DNAJC5: variants seen among roughly 807,000 people sequenced by gnomAD.
DNAJC5 encodes the protein dnaJ homolog subfamily C member 5.
In DNAJC5, 1 loss-of-function variant was observed where a neutral mutation model predicts 23.2. The ratio of observed to expected loss-of-function variants is 0.04; its 90% CI spans 0.02 to 0.20. DNAJC5 has a LOEUF of 0.20. Ranked by LOEUF, DNAJC5 falls within the 10% of genes least tolerant of loss-of-function variation. The pLI is 1.00. For missense variants in DNAJC5, 180 were observed against 267.0 expected (o/e 0.67, Z 2.27); for synonymous variants, 136 against 120.0 (o/e 1.13, Z -0.87).
intron 1 of DNAJC5, among the ~76,000 whole-genome samples, chr20:63,924,266 T>C (rs1488810785): frequency 6.6e-6 from 1 of 152,202 alleles, no homozygotes; most frequent in Non-Finnish European, 1.5e-5. Context: ...ACAGATCAGT[T>C]TGGGGAGAAC....
chr20:63,910,735 T>C (rs1381416557), intron 1 of DNAJC5, among the ~76,000 whole-genome samples: 3 of 151,424 alleles, frequency 2.0e-5, no homozygotes, highest in African/African-American at 7.3e-5. Context: ...TGCCATGGTA[T>C]GATCTCGGCT....
chr20:63,910,362 G>C (rs1018071919), intron 1 of DNAJC5, among the ~76,000 whole-genome samples: 11 of 152,064 alleles, frequency 7.2e-5, no homozygotes, highest in African/African-American at 2.7e-4. Flanking sequence ...GGCTAACACG[G>C]TGAAACCCCA....
At chr20:63,924,582 G>A (rs1158734155) in intron 1 of DNAJC5, among the ~76,000 whole-genome samples, 2 of 152,130 alleles carry the variant, frequency 1.3e-5, no homozygotes, top group African/African-American at 2.4e-5. Flanking sequence ...AACCGGGCAC[G>A]GTGGCTCATG....
chr20:63,931,924 G>A lies in DNAJC5; in HGVS notation c.*356G>A, dbSNP rs111986990. ...GGTCCAGTGAGGGGTGACTGCAGCCGGTCAGGTGGGCGAGGAGAAGGGGGG... is the reference window on the plus strand; with the variant it reads ...GGTCCAGTGAGGGGTGACTGCAGCCAGTCAGGTGGGCGAGGAGAAGGGGGG... On this transcript the variant is annotated 3_prime_UTR_variant, in exon 5 of 5. Transcript: ENST00000360864. The surrounding 1 kb of genome is among the most constrained non-coding windows in gnomAD (Gnocchi z 9.6). 9.5e-4 allele frequency: 351 copies of A among 370,524 alleles called. 1 individual carries two copies. Among genetic ancestry groups the A allele is most frequent in the African/African-American group, 5.5e-3 (260 of 47,694 alleles). The allele number at this position is 370,524 out of a possible 1,614,324, so 23.0% of individuals were successfully genotyped here.
At chr20:63,922,643 G>T (rs962003045) in intron 1 of DNAJC5, among the ~76,000 whole-genome samples, 1 of 151,834 alleles carries the variant, frequency 6.6e-6, no homozygotes, top group African/African-American at 2.4e-5. Context: ...GGTGGCTCAC[G>T]CCTGTAGTCC....
intron 1 of DNAJC5, among the ~76,000 whole-genome samples, chr20:63,900,576 C>CAAAAAAAAAAA (rs752326573): frequency 1.5e-5 from 1 of 65,270 alleles, no homozygotes; most frequent in Non-Finnish European, 2.8e-5. Flanking sequence ...GACACTGTCT[C>CAAAAAAAAAAA]AAAAAAAAAA....
chr20:63,912,994 G>C (rs996383366), intron 1 of DNAJC5, among the ~76,000 whole-genome samples: 2 of 93,348 alleles, frequency 2.1e-5, no homozygotes, highest in Non-Finnish European at 3.8e-5. Flanking sequence ...TTTATTTTTC[G>C]TATTTGTATT....
intron 1 of DNAJC5, among the ~76,000 whole-genome samples, chr20:63,897,479 T>G (rs2053382692): frequency 6.6e-6 from 1 of 151,998 alleles, no homozygotes; most frequent in African/African-American, 2.4e-5. Context: ...GGCAGGAGAA[T>G]CCCTTGAACC....
At chr20:63,921,442 T>C (rs2053571474) in intron 1 of DNAJC5, among the ~76,000 whole-genome samples, 2 of 151,802 alleles carry the variant, frequency 1.3e-5, no homozygotes, top group Admixed American at 6.6e-5. Flanking sequence ...CTGCAAAAAA[T>C]TAGCCGGGCG....
rs2053669005 is a variant in DNAJC5 at position 63,931,362 on chromosome 20, G to A, written c.494-103G>A. 3.6e-6 allele frequency: 4 copies of A among 1,118,638 alleles called. No individual in the cohort carries two copies. In the South Asian group the frequency reaches 4.0e-5, roughly 11 times the overall value. The allele number at this position is 1,118,638 out of a possible 1,614,324, so 69.3% of individuals were successfully genotyped here. A position where few individuals can be genotyped will look rare whatever the true frequency, so the allele number is the denominator to read the frequency against. ...GGAGGTCAGCGAGTAGCCTCTCCCG[G>A]TGGAGAGTTTGTCCAGGTGCCCGAA... On this transcript the variant is annotated intron_variant, in intron 4 of 4. Coordinates refer to ENST00000360864, the MANE Select transcript of DNAJC5 (RefSeq NM_025219.3). This position sits in a 1 kb window ranked among gnomAD's most constrained non-coding sequence, Gnocchi z 9.6.
intron 1 of DNAJC5, among the ~76,000 whole-genome samples, chr20:63,904,350 G>C (rs1365136324): frequency 1.3e-5 from 2 of 152,114 alleles, no homozygotes; most frequent in African/African-American, 4.8e-5. Context: ...GTTTTCTCTT[G>C]CATCATCCCG....
rs552520577 is a variant in DNAJC5, at chr20:63,923,799, A to G, written c.-11-4536A>G. Among the ~76,000 whole-genome samples the G allele has an allele frequency of 7.9e-5, 12 of 152,354 alleles. 1 individual carries two copies. The highest frequency in any genetic ancestry group is 9.6e-5 in the African/African-American group (4 of 41,578). ...ATTCTATCCTGAAATGGTAAGAATG[A>G]AAAGAAAATCTGCCAAGTCCATCCG... On this transcript the variant is annotated intron_variant, in intron 1 of 4. Coordinates refer to ENST00000360864, the MANE Select transcript of DNAJC5 (RefSeq NM_025219.3).
intron 1 of DNAJC5, among the ~76,000 whole-genome samples, chr20:63,895,914 G>A (rs1441191497): frequency 6.6e-6 from 1 of 152,234 alleles, no homozygotes; most frequent in Non-Finnish European, 1.5e-5. Context: ...CTCTTAAGGA[G>A]AGTATTAGGA....
chr20:63,903,575 G>A (rs1362882209), intron 1 of DNAJC5, among the ~76,000 whole-genome samples: 2 of 152,132 alleles, frequency 1.3e-5, no homozygotes, highest in African/African-American at 4.8e-5. Flanking sequence ...CCAAAGTGCT[G>A]GGATTACAGG....
intron 1 of DNAJC5, among the ~76,000 whole-genome samples, chr20:63,925,880 T>C (rs1054273754): frequency 1.4e-5 from 2 of 145,080 alleles, no homozygotes; most frequent in South Asian, 2.2e-4. Context: ...CAGGCTGGAG[T>C]GCAGTGGTGC....
chr20:63,929,231 CGTGCGGGTGGGATGGACGCGGCGGCGG>C lies in DNAJC5; in HGVS notation c.108-70_108-44del, dbSNP rs778740145. The C allele has an allele frequency of 4.2e-5, 63 of 1,505,506 alleles. No individual in the cohort carries two copies. Among genetic ancestry groups the C allele is most frequent in the Non-Finnish European group, 5.3e-5 (59 of 1,104,586 alleles). The allele number at this position is 1,505,506 out of a possible 1,614,324, so 93.3% of individuals were successfully genotyped here. ...CTGCCTTCCACTGCACCCGGCAGTG[CGTGCGGGTGGGATGGACGCGGCGGCGG>C]GTGCGGGTGGAACAAAGTCCAGGGT... On this transcript the variant is annotated intron_variant, in intron 2 of 4. Transcript: ENST00000360864. This position sits in a 1 kb window ranked among gnomAD's most constrained non-coding sequence, Gnocchi z 8.6.
chr20:63,922,088 T>C (rs1480924215), intron 1 of DNAJC5, among the ~76,000 whole-genome samples: 1 of 151,670 alleles, frequency 6.6e-6, no homozygotes, highest in East Asian at 2.0e-4. Flanking sequence ...CCCCTTGAAA[T>C]TTAAACCAAG....
At position 63,932,226 on chromosome 20, in the gene DNAJC5, T is replaced by C. The variant is rs955239456; in HGVS notation, c.*658T>C. 3 of 157,548 alleles carry C rather than the reference T, an allele frequency of 1.9e-5. No homozygotes were observed. Among genetic ancestry groups the C allele is most frequent in the African/African-American group, 7.2e-5 (3 of 41,520 alleles). The allele number at this position is 157,548 out of a possible 1,614,324, so 9.8% of individuals were successfully genotyped here. A position where few individuals can be genotyped will look rare whatever the true frequency, so the allele number is the denominator to read the frequency against. On this transcript the variant is annotated 3_prime_UTR_variant, in exon 5 of 5. Coordinates refer to ENST00000360864, the MANE Select transcript of DNAJC5 (RefSeq NM_025219.3). This position sits in a 1 kb window ranked among gnomAD's most constrained non-coding sequence, Gnocchi z 4.4. ...GCAGGGTTTCTCCCGTGGGAGAATT[T>C]GGTGTGGAAAGCATAGGAGGCCCCT...
At chr20:63,910,697 G>C (rs2053477574) in intron 1 of DNAJC5, among the ~76,000 whole-genome samples, 1 of 150,392 alleles carries the variant, frequency 6.6e-6, no homozygotes, top group African/African-American at 2.4e-5. Flanking sequence ...AATTGAGACA[G>C]AGTCTGACTC....
Sources: allele counts gnomAD v4.1 joint callset (sites outside exome capture counted in the v4.1 genomes callset), GRCh38; gene constraint gnomAD v4.1.1; non-coding constraint Gnocchi (gnomAD v3.1); transcripts MANE v1.5; gene names NCBI Gene and HGNC (gene_info 2026-07-23, HGNC 2026-07-21).